ESRRG: variants seen among roughly 807,000 people sequenced by gnomAD.
ESRRG encodes the protein estrogen-related receptor gamma.
A neutral mutation model predicts 44.0 loss-of-function variants in ESRRG; 13 were observed. The ratio of observed to expected loss-of-function variants is 0.30; its 90% CI spans 0.19 to 0.47. The LOEUF (loss-of-function observed/expected upper bound fraction) is 0.47, where lower values mean the gene tolerates loss of function less well. ESRRG is among the 20% of genes least tolerant of loss of function. ESRRG has a pLI of 1.00. For synonymous variants in ESRRG, 215 were observed against 214.6 expected, an observed-to-expected ratio of 1.00 and a Z score of -0.02; for missense variants, 395 against 580.6, an observed-to-expected ratio of 0.68 and a Z score of 3.29.
chr1:216,824,101 C>T (rs1023892798), intron 2 of ESRRG, among the ~76,000 whole-genome samples: 3 of 152,074 alleles, frequency 2.0e-5, no homozygotes, highest in Non-Finnish European at 2.9e-5. Flanking sequence ...TTCCTAGGGC[C>T]GCATTAGGGA....
chr1:217,026,912 C>CACAGAGAGAGAGAGAGAGAG (rs1255637839), intron 1 of ESRRG, among the ~76,000 whole-genome samples: 1 of 93,412 alleles, frequency 1.1e-5, no homozygotes, highest in African/African-American at 4.0e-5. Context: ...CACACACACA[C>CACAGAGAGAGAGAGAGAGAG]AGAGAGAGAG....
chr1:217,135,055 A>G (rs2093030266), intron 1 of ESRRG, among the ~76,000 whole-genome samples: 1 of 152,158 alleles, frequency 6.6e-6, no homozygotes, highest in African/African-American at 2.4e-5. Flanking sequence ...GATTTTGATT[A>G]AGAGAGATCT....
At chr1:217,053,465 A>AAAAGAAAG (rs3072270) in intron 1 of ESRRG, among the ~76,000 whole-genome samples, 17,770 of 145,518 alleles carry the variant, frequency 0.12, 1,450 homozygotes, top group Non-Finnish European at 0.18. Context: ...AAAGCCAAAA[A>AAAAGAAAG]AAAGAAAGAA....
intron 1 of ESRRG, among the ~76,000 whole-genome samples, chr1:217,137,474 G>A (rs74717326): frequency 0.028 from 4,329 of 152,304 alleles, 86 homozygotes; most frequent in African/African-American, 0.032. Context: ...CAGCCCCCGC[G>A]AAGACCGCGC....
intron 2 of ESRRG, among the ~76,000 whole-genome samples, chr1:216,760,463 T>G (rs1021224320): frequency 6.6e-6 from 1 of 151,902 alleles, no homozygotes; most frequent in African/African-American, 2.4e-5. Context: ...GAAAACCCAG[T>G]GTGGTAGCAT....
At chr1:216,581,260 C>T (rs571154068) in intron 3 of ESRRG, among the ~76,000 whole-genome samples, 42 of 152,292 alleles carry the variant, frequency 2.8e-4, no homozygotes, top group Non-Finnish European at 5.1e-4. Context: ...ATTAATGTTT[C>T]ATCTCAACAT....
At chr1:217,035,929 T>C (rs12035277) in intron 1 of ESRRG, among the ~76,000 whole-genome samples, 31,589 of 152,150 alleles carry the variant, frequency 0.21, 3,666 homozygotes, top group East Asian at 0.45. Flanking sequence ...AGGTCTAATA[T>C]TCAGCATATG....
intron 1 of ESRRG, among the ~76,000 whole-genome samples, chr1:217,056,409 T>A (rs986683185): frequency 6.6e-6 from 1 of 152,134 alleles, no homozygotes; most frequent in Non-Finnish European, 1.5e-5. Flanking sequence ...TAGAAACTCA[T>A]GTTTATTAAA....
At chr1:216,754,126 A>G (rs6604643) in intron 2 of ESRRG, among the ~76,000 whole-genome samples, 65,414 of 151,788 alleles carry the variant, frequency 0.43, 14,911 homozygotes, top group African/African-American at 0.58. Flanking sequence ...GCAGCTAGAC[A>G]TTTTAAAAGA....
intron 2 of ESRRG, among the ~76,000 whole-genome samples, chr1:216,747,688 G>A (rs114139338): frequency 0.011 from 1,603 of 152,214 alleles, 34 homozygotes; most frequent in African/African-American, 0.033. Context: ...AGCAATTTGT[G>A]GACTTTGAGC....
intron 3 of ESRRG, among the ~76,000 whole-genome samples, chr1:216,577,459 A>G (rs1480731530): frequency 6.6e-6 from 1 of 152,054 alleles, no homozygotes; most frequent in Admixed American, 6.6e-5. Context: ...GGGGTTGTAC[A>G]TCAACATCAG....
At chr1:216,856,352 AACACACACACACAC>A (rs5780935) in intron 2 of ESRRG, among the ~76,000 whole-genome samples, 7 of 141,888 alleles carry the variant, frequency 4.9e-5, no homozygotes, top group East Asian at 2.1e-4. Flanking sequence ...TTCTCTCTTC[AACACACACACACAC>A]ACACACACAC....
intron 1 of ESRRG, among the ~76,000 whole-genome samples, chr1:217,124,294 G>A (rs1056718984): frequency 6.6e-6 from 1 of 152,118 alleles, no homozygotes; most frequent in Admixed American, 6.5e-5. Context: ...TGGAAAGGAG[G>A]AAAAAAGCAG....
chr1:217,066,250 C>CTT (rs1580322386), intron 1 of ESRRG, among the ~76,000 whole-genome samples: 1 of 114,058 alleles, frequency 8.8e-6, no homozygotes, highest in Admixed American at 8.9e-5. Context: ...ATTCCTTTTT[C>CTT]TTTTCTTTTT....
At chr1:216,662,265 C>A (rs1295414949) in intron 2 of ESRRG, among the ~76,000 whole-genome samples, 1 of 152,102 alleles carries the variant, frequency 6.6e-6, no homozygotes, top group Non-Finnish European at 1.5e-5. Flanking sequence ...TGGCCTTGTG[C>A]TTGTCAGCCA....
At chr1:216,671,328 T>C (rs2075126212) in intron 2 of ESRRG, among the ~76,000 whole-genome samples, 1 of 152,134 alleles carries the variant, frequency 6.6e-6, no homozygotes, top group South Asian at 2.1e-4. Context: ...ATGCCTCCAA[T>C]CATATAAAGG....
chr1:216,663,230 G>A (rs140548790), intron 2 of ESRRG, among the ~76,000 whole-genome samples: 1 of 152,278 alleles, frequency 6.6e-6, no homozygotes, highest in African/African-American at 2.4e-5. Flanking sequence ...TTTGGAAGTA[G>A]TGAAGATGCT....
chr1:216,545,980 C>T (rs1270649892), intron 5 of ESRRG, among the ~76,000 whole-genome samples: 2 of 152,018 alleles, frequency 1.3e-5, no homozygotes, highest in African/African-American at 4.8e-5. Context: ...ATAAAACTAT[C>T]CTACTTATGT....
intron 2 of ESRRG, among the ~76,000 whole-genome samples, chr1:216,651,599 C>A (rs918597532): frequency 1.3e-5 from 2 of 152,004 alleles, no homozygotes; most frequent in African/African-American, 4.8e-5. Context: ...AGGGTAGGGA[C>A]AGAAATTACA....
Sources: gnomAD v4.1 joint callset for allele counts (sites outside exome capture counted in the v4.1 genomes callset) on GRCh38, gnomAD v4.1.1 for gene constraint, MANE v1.5 for transcripts, NCBI Gene and HGNC (gene_info 2026-07-23, HGNC 2026-07-21) for gene names.